The following GPC5 variants were observed in gnomAD, a reference collection of about 807,000 sequenced individuals.
GPC5 encodes glypican-5.
A neutral mutation model predicts 53.9 loss-of-function variants in GPC5; 47 were observed. The ratio of observed to expected loss-of-function variants is 0.87; its 90% CI spans 0.69 to 1.11. The LOEUF (loss-of-function observed/expected upper bound fraction) is 1.11. Among genes scored for constraint, GPC5 ranks in the 50% most tolerant of loss-of-function variants. The pLI is 0.00. For synonymous variants in GPC5, 286 were observed against 263.3 expected (o/e 1.09, Z -0.84); for missense variants, 748 against 713.1 (o/e 1.05, Z -0.56).
intron 6 of GPC5, among the ~76,000 whole-genome samples, chr13:92,000,310 C>T (rs1424106231): frequency 6.6e-6 from 1 of 151,818 alleles, no homozygotes; most frequent in Non-Finnish European, 1.5e-5. Context: ...AAAATAGAAA[C>T]AAAAGATATG....
intron 7 of GPC5, among the ~76,000 whole-genome samples, chr13:92,536,046 A>C (rs1323053954): frequency 2.0e-5 from 3 of 152,314 alleles, no homozygotes; most frequent in Non-Finnish European, 4.4e-5. Flanking sequence ...TACCAGAAAT[A>C]TTAATAGTTA....
chr13:92,418,193 T>C (rs1876400134), intron 7 of GPC5, among the ~76,000 whole-genome samples: 1 of 152,156 alleles, frequency 6.6e-6, no homozygotes, highest in African/African-American at 2.4e-5. Context: ...CTAATGGGCA[T>C]GGGATTTCTT....
At chr13:91,509,767 T>C in intron 2 of GPC5, among the ~76,000 whole-genome samples, 1 of 152,188 alleles carries the variant, frequency 6.6e-6, no homozygotes, top group East Asian at 1.9e-4. Flanking sequence ...GTATATGCTT[T>C]ATATTGGGCA....
chr13:91,870,216 TGAA>T (rs2039129050), intron 5 of GPC5, among the ~76,000 whole-genome samples: 1 of 152,134 alleles, frequency 6.6e-6, no homozygotes, highest in Non-Finnish European at 1.5e-5. Context: ...TCTCTAAAGA[TGAA>T]GAACTCCCTT....
At chr13:92,290,280 C>A (rs77615972) in intron 7 of GPC5, among the ~76,000 whole-genome samples, 1 of 152,136 alleles carries the variant, frequency 6.6e-6, no homozygotes. Context: ...AGTGAGGAAT[C>A]TAATCCTATA....
intron 6 of GPC5, among the ~76,000 whole-genome samples, chr13:91,992,230 G>T (rs928495278): frequency 2.0e-5 from 3 of 151,828 alleles, no homozygotes; most frequent in African/African-American, 7.3e-5. Flanking sequence ...AGAGGATCTC[G>T]CTCTATTGCT....
At chr13:91,728,797 A>G (rs1226149096) in intron 4 of GPC5, 132 bp downstream of exon 4, 3 of 965,312 alleles carry the variant, frequency 3.1e-6, no homozygotes, top group East Asian at 3.0e-5. Context: ...ATATTCATTA[A>G]CTTTAAAAAT....
intron 6 of GPC5, among the ~76,000 whole-genome samples, chr13:92,085,604 A>G (rs559541373): frequency 6.6e-6 from 1 of 152,260 alleles, no homozygotes; most frequent in South Asian, 2.1e-4. Context: ...CTTTATTTCT[A>G]TTATTATTAC....
intron 7 of GPC5, among the ~76,000 whole-genome samples, chr13:92,818,097 C>CT (rs1877544270): frequency 6.6e-6 from 1 of 150,796 alleles, no homozygotes; most frequent in Admixed American, 6.6e-5. Context: ...ACTGCAGCCT[C>CT]TGCCTTCTGG....
At chr13:91,720,745 C>G (rs1045166834) in intron 3 of GPC5, among the ~76,000 whole-genome samples, 1 of 152,104 alleles carries the variant, frequency 6.6e-6, no homozygotes, top group Non-Finnish European at 1.5e-5. Flanking sequence ...AAATCTCTTC[C>G]TTTAGTCTTC....
intron 6 of GPC5, among the ~76,000 whole-genome samples, chr13:92,035,810 A>C (rs961014496): frequency 2.0e-5 from 3 of 151,690 alleles, no homozygotes; most frequent in Non-Finnish European, 2.9e-5. Flanking sequence ...TTTAGTGAGA[A>C]GCTTTTTGTC....
At chr13:92,441,432 G>A (rs561530640) in intron 7 of GPC5, among the ~76,000 whole-genome samples, 1 of 152,212 alleles carries the variant, frequency 6.6e-6, no homozygotes, top group South Asian at 2.1e-4. Context: ...TCTATACTAA[G>A]AAAACTCTAA....
intron 7 of GPC5, among the ~76,000 whole-genome samples, chr13:92,639,327 A>G (rs1266772872): frequency 2.6e-5 from 4 of 152,228 alleles, no homozygotes; most frequent in Non-Finnish European, 5.9e-5. Context: ...CTAAAAAACT[A>G]TCAAATCTTC....
At chr13:91,797,783 T>G (rs1020308146) in intron 5 of GPC5, among the ~76,000 whole-genome samples, 1 of 152,176 alleles carries the variant, frequency 6.6e-6, no homozygotes, top group African/African-American at 2.4e-5. Context: ...GGCGTCGTGC[T>G]GACAGCTGAG....
At chr13:92,057,899 G>GA (rs113805804) in intron 6 of GPC5, among the ~76,000 whole-genome samples, 45 of 148,482 alleles carry the variant, frequency 3.0e-4, no homozygotes, top group South Asian at 1.5e-3. Flanking sequence ...GAGGAAAAGA[G>GA]AAAAAAAAAA....
At chr13:92,034,450 A>G (rs2040877466) in intron 6 of GPC5, among the ~76,000 whole-genome samples, 1 of 152,164 alleles carries the variant, frequency 6.6e-6, no homozygotes, top group South Asian at 2.1e-4. Context: ...GTGAGCCGAG[A>G]TAGTGCCACT....
intron 7 of GPC5, among the ~76,000 whole-genome samples, chr13:92,369,151 T>C (rs2043630682): frequency 6.6e-6 from 1 of 152,248 alleles, no homozygotes; most frequent in Non-Finnish European, 1.5e-5. Context: ...ATATCATCAA[T>C]GCACCTTTAG....
chr13:92,110,701 T>C (rs1169925922), intron 6 of GPC5, among the ~76,000 whole-genome samples: 1 of 152,190 alleles, frequency 6.6e-6, no homozygotes, highest in Admixed American at 6.5e-5. Context: ...ACAGGGATAA[T>C]TGAAGGATAA....
At chr13:91,788,369 A>G (rs2037910387) in intron 5 of GPC5, among the ~76,000 whole-genome samples, 1 of 152,216 alleles carries the variant, frequency 6.6e-6, no homozygotes, top group South Asian at 2.1e-4. Flanking sequence ...CCTCACCTTT[A>G]AGTCCATCAA....
Sources: gnomAD v4.1 joint callset for allele counts (sites outside exome capture counted in the v4.1 genomes callset) on GRCh38, gnomAD v4.1.1 for gene constraint, MANE v1.5 for transcripts, NCBI Gene and HGNC (gene_info 2026-07-23, HGNC 2026-07-21) for gene names.